ARFRP1: variants seen among roughly 807,000 people sequenced by gnomAD.
ARFRP1 encodes ADP-ribosylation factor-related protein 1.
ARFRP1 carries 19 observed loss-of-function variants against 30.3 expected under a neutral mutation model. That is an observed-to-expected ratio of 0.63 (90% confidence interval 0.44 to 0.92). ARFRP1 has a LOEUF of 0.92. ARFRP1 is among the 40% of genes least tolerant of loss of function. The probability of loss-of-function intolerance (pLI) is 0.00; values close to 1 mark genes in which losing one functional copy is unlikely to be tolerated. For missense variants in ARFRP1, 245 were observed against 267.5 expected (o/e 0.92, Z 0.59); for synonymous variants, 133 against 114.2 (o/e 1.16, Z -1.05).
chr20:63,699,976 A>C lies in ARFRP1; in HGVS notation c.*467T>G. ...TTCCTCAAGGCAAGATCAGCCCCAGACCACTTCCGGGGTCACGGGGTCACG... is the reference window on the plus strand; with the variant it reads ...TTCCTCAAGGCAAGATCAGCCCCAGCCCACTTCCGGGGTCACGGGGTCACG... On this transcript the variant is annotated 3_prime_UTR_variant, in exon 8 of 8. Coordinates refer to ENST00000622789, the MANE Select transcript of ARFRP1 (RefSeq NM_001267547.3). 2 of 218,494 alleles carry C rather than the reference A, an allele frequency of 9.2e-6. No individual in the cohort carries two copies. Among genetic ancestry groups the C allele is most frequent in the South Asian group, 6.4e-5 (1 of 15,544 alleles). The allele number at this position is 218,494 out of a possible 1,614,324, so 13.5% of individuals were successfully genotyped here. A position where few individuals can be genotyped will look rare whatever the true frequency, so the allele number is the denominator to read the frequency against.
intron 4 of ARFRP1, 59 bp from the exon 5 acceptor site, chr20:63,702,276 C>G: frequency 6.6e-7 from 1 of 1,520,802 alleles, no homozygotes; most frequent in Admixed American, 1.7e-5. Flanking sequence ...GCCAGCAGAG[C>G]CAGGCCTGTG....
intron 2 of ARFRP1, 108 bp from the exon 3 acceptor site, chr20:63,706,846 ACT>A (rs1601290600): frequency 7.9e-6 from 10 of 1,271,056 alleles, no homozygotes; most frequent in African/African-American, 1.5e-5. Context: ...ACAGAGCAAC[ACT>A]CTGCTCTTCA....
At position 63,698,680 on chromosome 20, in the gene ARFRP1, T is replaced by A; in HGVS notation, c.*1763A>T. On this transcript the variant is annotated 3_prime_UTR_variant, in exon 8 of 8. Transcript: ENST00000622789. Reference sequence around the variant, plus strand: ...AGCTTATTTTTATAAAGCTTTTTCATAAAACTGGTTGTAGTTGCACAGCTA... The same window carrying A: ...AGCTTATTTTTATAAAGCTTTTTCAAAAAACTGGTTGTAGTTGCACAGCTA... The A allele has an allele frequency of 8.0e-7, 1 of 1,255,188 alleles. No individual in the cohort carries two copies. The highest frequency in any genetic ancestry group is 3.1e-5 in the East Asian group (1 of 31,896). The allele number at this position is 1,255,188 out of a possible 1,614,324, so 77.8% of individuals were successfully genotyped here. A position where few individuals can be genotyped will look rare whatever the true frequency, so the allele number is the denominator to read the frequency against.
At chr20:63,703,657 TGCA>T (rs1172252281) in intron 4 of ARFRP1, 2 of 152,340 alleles carry the variant, frequency 1.3e-5, no homozygotes, top group African/African-American at 2.4e-5. Flanking sequence ...CTGTGGAGGC[TGCA>T]GCAAGCCCAG....
In ARFRP1 at chr20:63,706,985, G is replaced by A. The variant is rs753683308; in HGVS notation, c.93+14C>T. 7.4e-6 allele frequency: 12 copies of A among 1,612,908 alleles called. No individual in the cohort carries two copies. The highest frequency in any genetic ancestry group is 8.5e-6 in the Non-Finnish European group (10 of 1,179,678). On this transcript the variant is annotated intron_variant, in intron 2 of 7. Coordinates refer to ENST00000622789, the MANE Select transcript of ARFRP1 (RefSeq NM_001267547.3). ...GGCCGTGGGAAAGGTGCGCGCAAGG[G>A]CGTGGGCACTCACCGTCTTCCCAGC...
At chr20:63,700,913 G>A in intron 6 of ARFRP1, 1 of 647,192 alleles carries the variant, frequency 1.5e-6, no homozygotes, top group Non-Finnish European at 2.6e-6. Context: ...AGACAAACTA[G>A]ACGTCCACAC....
At chr20:63,707,361 C>G (rs2091535597) in intron 1 of ARFRP1, 1 of 410,630 alleles carries the variant, frequency 2.4e-6, no homozygotes, top group East Asian at 4.3e-5. Context: ...GCGGGACTAC[C>G]CAGCCGGGTG....
rs1226968635 is a variant in ARFRP1, at chr20:63,698,652, T to TAA, written c.*1789_*1790dup. On this transcript the variant is annotated 3_prime_UTR_variant, in exon 8 of 8. Transcript: ENST00000622789. The stretch of plus-strand genomic sequence containing the variant: ...TTTAAATAGAAGAAATGAGGTTTCT[T>TAA]AAAGCTTATTTTTATAAAGCTTTTT... 2 of 1,330,812 alleles carry TAA rather than the reference T, an allele frequency of 1.5e-6. No homozygotes were observed. The highest frequency in any genetic ancestry group is 3.1e-5 in the African/African-American group (2 of 63,634). The allele number at this position is 1,330,812 out of a possible 1,614,324, so 82.4% of individuals were successfully genotyped here.
intron 1 of ARFRP1, chr20:63,707,661 C>G (rs2091558059): frequency 6.6e-6 from 1 of 152,298 alleles, no homozygotes; most frequent in African/African-American, 2.4e-5. Flanking sequence ...TGGAGTGCAC[C>G]TGGAGGCGGC....
chr20:63,704,559 G>A (rs2091367283), intron 4 of ARFRP1: 1 of 152,254 alleles, frequency 6.6e-6, no homozygotes, highest in Admixed American at 6.5e-5. Context: ...GAATTGGGAG[G>A]GCACTCAAGG....
At chr20:63,702,565 C>T in intron 4 of ARFRP1, 2 of 332,622 alleles carry the variant, frequency 6.0e-6, no homozygotes, top group South Asian at 5.8e-5. Context: ...ACCTGGGCAA[C>T]ACAGTGAGAC....
rs2091135141 is a variant in ARFRP1 at position 63,700,315 on chromosome 20, AAAC to A, written c.*125_*127del. The A allele has an allele frequency of 7.3e-7, 1 of 1,365,910 alleles. No individual in the cohort carries two copies. The highest frequency in any genetic ancestry group is 1.5e-5 in the African/African-American group (1 of 68,646). 84.6% of individuals were successfully genotyped at this position (1,365,910 alleles called of 1,614,324 possible). A position where few individuals can be genotyped will look rare whatever the true frequency, so the allele number is the denominator to read the frequency against. On this transcript the variant is annotated 3_prime_UTR_variant, in exon 8 of 8. Transcript: ENST00000622789. ...CATAGAGGAAAGTTTGTCTTCGAGA[AAAC>A]AAAGTAAATAGAAGAACCCCAAAGC...
At position 63,698,949 on chromosome 20, in the gene ARFRP1, C is replaced by G. The variant is rs957921116; in HGVS notation, c.*1494G>C. 5.8e-6 allele frequency: 1 copy of G among 171,840 alleles called. No homozygotes were observed. Among genetic ancestry groups the G allele is most frequent in the African/African-American group, 2.4e-5 (1 of 42,246 alleles). The allele number at this position is 171,840 out of a possible 1,614,324, so 10.6% of individuals were successfully genotyped here. A position where few individuals can be genotyped will look rare whatever the true frequency, so the allele number is the denominator to read the frequency against. On this transcript the variant is annotated 3_prime_UTR_variant, in exon 8 of 8. Coordinates refer to ENST00000622789, the MANE Select transcript of ARFRP1 (RefSeq NM_001267547.3). The stretch of plus-strand genomic sequence containing the variant: ...AGAACAGGATGGGGCTCAGGCCAGC[C>G]CTAGTCGCCGGGGCCCACACTAACC...
In ARFRP1 at chr20:63,698,708, G is replaced by A. The variant is rs1398977519; in HGVS notation, c.*1735C>T. 4.7e-6 allele frequency: 5 copies of A among 1,063,280 alleles called. No individual in the cohort carries two copies. The African/African-American group carries it at 5.1e-5, about 11-fold the overall frequency. 65.9% of individuals were successfully genotyped at this position (1,063,280 alleles called of 1,614,324 possible). On this transcript the variant is annotated 3_prime_UTR_variant, in exon 8 of 8. Transcript: ENST00000622789. Reference sequence around the variant, plus strand: ...AACTGGTTGTAGTTGCACAGCTACTGGGAGGGCAGCCGGGGACACCTGAGC... The same window carrying A: ...AACTGGTTGTAGTTGCACAGCTACTAGGAGGGCAGCCGGGGACACCTGAGC...
Position 63,707,014 on chromosome 20 carries a change from G to C in ARFRP1, c.78C>G (p.Asp26Glu). ...DEYCILILGL[D>E]NAGKTTFLEQ... is the part of the protein sequence containing the mutation. ...GGGCACTCACCGTCTTCCCAGCATT[G>C]TCCAGGCCCAGGATCAGGATGCAGT... The change falls in exon 2 of 8, where the codon GAC becomes GAG. Residue 26 changes from aspartate (D) to glutamate (E), a missense_variant. Coordinates refer to ENST00000622789, the MANE Select transcript of ARFRP1 (RefSeq NM_001267547.3). 1 of 1,613,832 alleles carries C rather than the reference G, an allele frequency of 6.2e-7. No individual in the cohort carries two copies. The highest frequency in any genetic ancestry group is 8.5e-7 in the Non-Finnish European group (1 of 1,179,998).
intron 5 of ARFRP1, 83 bp downstream of exon 5, chr20:63,702,053 C>G: frequency 7.0e-7 from 1 of 1,431,830 alleles, no homozygotes; most frequent in South Asian, 1.2e-5. Context: ...AGACACTGAG[C>G]CTGCCCCAGG....
chr20:63,706,706 G>C lies in ARFRP1; in HGVS notation c.126C>G (p.Asn42Lys). The C allele has an allele frequency of 1.2e-6, 2 of 1,614,030 alleles. No homozygotes were observed. The highest frequency in any genetic ancestry group is 1.7e-6 in the Non-Finnish European group (2 of 1,179,896). The change falls in exon 3 of 8, where the codon AAC becomes AAG. Residue 42 changes from asparagine (N) to lysine (K), a missense_variant. Asn to Lys is a moderately conservative substitution (Grantham distance 94). Coordinates refer to ENST00000622789, the MANE Select transcript of ARFRP1 (RefSeq NM_001267547.3). ...ATAGACTCATCCCCTTGTAGTTCTTGTTAAATCGGGTTTTCGACTGCTCCA... is the reference window on the plus strand; with the variant it reads ...ATAGACTCATCCCCTTGTAGTTCTTCTTAAATCGGGTTTTCGACTGCTCCA... Reference protein sequence around the residue: ...TFLEQSKTRFNKNYKGMSLSK... With the variant: ...TFLEQSKTRFKKNYKGMSLSK...
Position 63,700,225 on chromosome 20 carries a change from G to C in ARFRP1, c.*218C>G, listed in dbSNP as rs1568743976. 1 of 653,878 alleles carries C rather than the reference G, an allele frequency of 1.5e-6. No homozygotes were observed. Among genetic ancestry groups the C allele is most frequent in the East Asian group, 2.9e-5 (1 of 34,190 alleles). The allele number at this position is 653,878 out of a possible 1,614,324, so 40.5% of individuals were successfully genotyped here. A position where few individuals can be genotyped will look rare whatever the true frequency, so the allele number is the denominator to read the frequency against. On this transcript the variant is annotated 3_prime_UTR_variant, in exon 8 of 8. Transcript: ENST00000622789. ...GCCCTGTGGAAAGGCTGCCGCTGCA[G>C]GGCCTGGGCCAGCCGGGCTGCCAGA...
chr20:63,701,998 G>GCA, intron 5 of ARFRP1, 98 bp from the exon 6 acceptor site: 10 of 583,912 alleles, frequency 1.7e-5, no homozygotes, highest in South Asian at 1.1e-4. Context: ...CACTCCCTCT[G>GCA]CCCCCCCCCC....
Sources: gnomAD v4.1 joint callset for allele counts on GRCh38, gnomAD v4.1.1 for gene constraint, MANE v1.5 for transcripts, NCBI Gene and HGNC (gene_info 2026-07-23, HGNC 2026-07-21) for gene names.